The following LMAN2 variants were observed in gnomAD, a reference collection of about 807,000 sequenced individuals.
LMAN2 encodes vesicular integral-membrane protein VIP36.
In LMAN2, 22 loss-of-function variants were observed where a neutral mutation model predicts 39.3. That is an observed-to-expected ratio of 0.56 (90% CI 0.40 to 0.80). The LOEUF is 0.80. Ranked by LOEUF, LMAN2 falls within the 30% of genes least tolerant of loss-of-function variation. The pLI, the probability that LMAN2 is intolerant of heterozygous loss-of-function variation, is 0.00. For missense variants in LMAN2, 494 were observed against 505.4 expected (o/e 0.98, Z 0.22); for synonymous variants, 207 against 207.8 (o/e 1.00, Z 0.03).
At chr5:177,350,373 C>T (rs1761703216) in intron 2 of LMAN2, among the ~76,000 whole-genome samples, 2 of 151,542 alleles carry the variant, frequency 1.3e-5, no homozygotes, top group African/African-American at 4.9e-5. Flanking sequence ...CCAAATTATT[C>T]TTCTTTCCCC....
At chr5:177,350,173 G>A (rs1761699844) in intron 2 of LMAN2, among the ~76,000 whole-genome samples, 1 of 152,170 alleles carries the variant, frequency 6.6e-6, no homozygotes, top group South Asian at 2.1e-4. Flanking sequence ...GGAGCAGAGG[G>A]GACGGGCAGA....
At chr5:177,341,064 CTTT>C (rs1298735934) in intron 2 of LMAN2, among the ~76,000 whole-genome samples, 4 of 108,926 alleles carry the variant, frequency 3.7e-5, no homozygotes, top group African/African-American at 7.9e-5. Context: ...CTTTTTTTTT[CTTT>C]TTTTTTTTTT....
intron 2 of LMAN2, among the ~76,000 whole-genome samples, chr5:177,349,900 C>T (rs973909867): frequency 1.3e-5 from 2 of 152,094 alleles, no homozygotes; most frequent in Non-Finnish European, 2.9e-5. Flanking sequence ...ACCAAGCAGG[C>T]ATGAGGAGCC....
chr5:177,346,153 A>C (rs1761635428), intron 2 of LMAN2: 1 of 159,158 alleles, frequency 6.3e-6, no homozygotes, highest in African/African-American at 2.4e-5. Flanking sequence ...AATGAGCTGC[A>C]ACATAGAATC....
intron 2 of LMAN2, among the ~76,000 whole-genome samples, chr5:177,350,964 A>G (rs949181344): frequency 2.3e-4 from 35 of 152,176 alleles, no homozygotes; most frequent in Non-Finnish European, 2.9e-5. Context: ...TTTTAAAGTG[A>G]GGAGGATGTA....
intron 2 of LMAN2, among the ~76,000 whole-genome samples, chr5:177,339,234 C>A (rs774167789): frequency 1.3e-5 from 2 of 152,212 alleles, no homozygotes; most frequent in East Asian, 3.8e-4. Context: ...TTTCTGGTCA[C>A]CCACATCCAC....
At chr5:177,335,373 A>T (rs1177419853) in intron 6 of LMAN2, among the ~76,000 whole-genome samples, 2 of 152,194 alleles carry the variant, frequency 1.3e-5, no homozygotes, top group Non-Finnish European at 2.9e-5. Context: ...CGAGATGGCC[A>T]TCTGCCTAAA....
rs564199044 is a variant in LMAN2 at position 177,351,111 on chromosome 5, C to G, written c.315+62G>C. The G allele has an allele frequency of 1.7e-4, 256 of 1,463,028 alleles. 1 individual carries two copies. Among genetic ancestry groups the G allele is most frequent in the Admixed American group, 4.9e-4 (29 of 59,784 alleles). 90.6% of individuals were successfully genotyped at this position (1,463,028 alleles called of 1,614,324 possible). ...ATAAACGAAGCTGGGGTCTCAGCTG[C>G]TCGGGAGGCAGGGACTAGCAGCCAA... On this transcript the variant is annotated intron_variant, in intron 2 of 7. Coordinates refer to ENST00000303127, the MANE Select transcript of LMAN2 (RefSeq NM_006816.3).
rs909874868 is a variant in LMAN2 at position 177,331,941 on chromosome 5, G to A, written c.*145C>T. The A allele has an allele frequency of 1.9e-6, 2 of 1,028,720 alleles. No homozygotes were observed. The highest frequency in any genetic ancestry group is 3.0e-5 in the Admixed American group (1 of 33,804). 63.7% of individuals were successfully genotyped at this position (1,028,720 alleles called of 1,614,324 possible). A position where few individuals can be genotyped will look rare whatever the true frequency, so the allele number is the denominator to read the frequency against. On this transcript the variant is annotated 3_prime_UTR_variant, in exon 8 of 8. Transcript: ENST00000303127. Reference sequence around the variant, plus strand: ...TCTGCCACCTGTCCCTGCTGGGCAAGAAGCAAAATGTATGAAAATACTTTA... The same window carrying A: ...TCTGCCACCTGTCCCTGCTGGGCAAAAAGCAAAATGTATGAAAATACTTTA...
chr5:177,347,452 T>C (rs561495844), intron 2 of LMAN2, among the ~76,000 whole-genome samples: 2 of 152,306 alleles, frequency 1.3e-5, no homozygotes, highest in Admixed American at 1.3e-4. Context: ...AGAGACATAC[T>C]ATGATACAGA....
chr5:177,351,063 G>A lies in LMAN2; in HGVS notation c.315+110C>T, dbSNP rs1303359599. ...TGGGTGTGACCGAGATGAGGAAAAG[G>A]CCAGGGACGGAGGTGCAAACCTATA... On this transcript the variant is annotated intron_variant, in intron 2 of 7. Transcript: ENST00000303127. The A allele has an allele frequency of 3.3e-6, 3 of 904,180 alleles. No homozygotes were observed. The South Asian group carries it at 4.0e-5, about 12-fold the overall frequency. The allele number at this position is 904,180 out of a possible 1,614,324, so 56.0% of individuals were successfully genotyped here. A position where few individuals can be genotyped will look rare whatever the true frequency, so the allele number is the denominator to read the frequency against.
At chr5:177,343,951 T>G (rs1431758907) in intron 2 of LMAN2, among the ~76,000 whole-genome samples, 1 of 152,106 alleles carries the variant, frequency 6.6e-6, no homozygotes, top group Non-Finnish European at 1.5e-5. Flanking sequence ...AGCTCACGCC[T>G]GTAATCCCAG....
intron 7 of LMAN2, 46 bp downstream of exon 7, chr5:177,334,238 G>C (rs1381703630): frequency 6.3e-7 from 1 of 1,576,598 alleles, no homozygotes; most frequent in African/African-American, 1.4e-5. Flanking sequence ...CCCCATTCTG[G>C]GTCAGGCCGC....
At chr5:177,335,364 G>A (rs1053629803) in intron 6 of LMAN2, among the ~76,000 whole-genome samples, 12 of 152,188 alleles carry the variant, frequency 7.9e-5, no homozygotes, top group African/African-American at 2.9e-4. Context: ...AAAAGGGAAC[G>A]AGATGGCCAT....
chr5:177,341,227 T>C (rs972085611), intron 2 of LMAN2, among the ~76,000 whole-genome samples: 3 of 151,986 alleles, frequency 2.0e-5, no homozygotes, highest in Non-Finnish European at 2.9e-5. Flanking sequence ...CCACTACGCC[T>C]GGCTAATTTT....
chr5:177,346,672 CTT>C (rs934558836), intron 2 of LMAN2, among the ~76,000 whole-genome samples: 9 of 144,990 alleles, frequency 6.2e-5, no homozygotes, highest in Admixed American at 6.9e-5. Flanking sequence ...TTTTTTAACA[CTT>C]TTTTTTTTTT....
At position 177,341,067 on chromosome 5, in the gene LMAN2, T is replaced by TC. The variant is rs1561605506; in HGVS notation, c.316-2463_316-2462insG. 4.3e-5 allele frequency among the ~76,000 whole-genome samples: 6 copies of TC among 138,620 alleles called. No homozygotes were observed. The South Asian group carries it at 6.9e-4, about 16-fold the overall frequency. The allele number at this position is 138,620 out of a possible 152,430, so 90.9% of individuals were successfully genotyped here. A position where few individuals can be genotyped will look rare whatever the true frequency, so the allele number is the denominator to read the frequency against. On this transcript the variant is annotated intron_variant, in intron 2 of 7. Transcript: ENST00000303127. The stretch of plus-strand genomic sequence containing the variant: ...ACCACGCCCAGCCTTTTTTTTTCTT[T>TC]TTTTTTTTTTTTTTGTGAGACAGAG...
Position 177,334,280 on chromosome 5 carries a change from G to A in LMAN2, c.910+4C>T, listed in dbSNP as rs753591014. The A allele has an allele frequency of 8.7e-6, 14 of 1,610,564 alleles. No individual in the cohort carries two copies. Among genetic ancestry groups the A allele is most frequent in the African/African-American group, 1.3e-5 (1 of 74,850 alleles). On this transcript the variant is annotated splice_donor_region_variant and intron_variant, in intron 7 of 7. Transcript: ENST00000303127. ...CCAGGCAGGGCGGGGCTGTGCACACGCACCTTTGGGCGACTTGAGGAAGTT... is the reference window on the plus strand; with the variant it reads ...CCAGGCAGGGCGGGGCTGTGCACACACACCTTTGGGCGACTTGAGGAAGTT...
chr5:177,335,340 C>T (rs899263281), intron 6 of LMAN2, among the ~76,000 whole-genome samples: 5 of 152,182 alleles, frequency 3.3e-5, no homozygotes, highest in African/African-American at 1.2e-4. Flanking sequence ...TTTCAAACTC[C>T]CAATGGTTGA....
Sources: gnomAD v4.1 joint callset for allele counts (sites outside exome capture counted in the v4.1 genomes callset) on GRCh38, gnomAD v4.1.1 for gene constraint, MANE v1.5 for transcripts, NCBI Gene and HGNC (gene_info 2026-07-23, HGNC 2026-07-21) for gene names.